The following MROH9 variants were observed in gnomAD, a reference collection of about 807,000 sequenced individuals.
The protein encoded by MROH9 is maestro heat-like repeat-containing protein family member 9.
Under a neutral mutation model 98.2 loss-of-function variants are expected in MROH9, and 92 were observed. The ratio of observed to expected loss-of-function variants is 0.94; its 90% CI spans 0.79 to 1.11. MROH9 has a LOEUF of 1.11. Ranked by LOEUF, MROH9 falls within the 50% of genes most tolerant of loss-of-function variation. The pLI, the probability that MROH9 is intolerant of heterozygous loss-of-function variation, is 0.00. For missense variants in MROH9, 1,057 were observed against 1,014.8 expected (o/e 1.04, Z -0.57); for synonymous variants, 397 against 368.9 (o/e 1.08, Z -0.87).
At position 170,960,918 on chromosome 1, in the gene MROH9, T is replaced by G. The variant is rs1289234777; in HGVS notation, c.289-972T>G. Among the ~76,000 whole-genome samples the G allele has an allele frequency of 8.5e-5, 13 of 152,318 alleles. No individual in the cohort carries two copies. The East Asian group carries it at 9.7e-4, about 11-fold the overall frequency. On this transcript the variant is annotated intron_variant, in intron 5 of 21. Transcript: ENST00000367759. ...TGCTGGGATTATAGGTGTGTGGCAC[T>G]GTGCCTGGCCTGAATTATATTTAAA...
At chr1:171,024,303 G>T (rs28459501) in intron 17 of MROH9, 92 bp from the exon 18 acceptor site, 76,272 of 669,704 alleles carry the variant, frequency 0.11, 4,662 homozygotes, top group Middle Eastern at 0.19. Context: ...ATTTATATGG[G>T]GTGTGTGTGT....
intron 15 of MROH9, among the ~76,000 whole-genome samples, chr1:170,999,532 A>G (rs1052104911): frequency 6.6e-6 from 1 of 151,962 alleles, no homozygotes; most frequent in African/African-American, 2.4e-5. Flanking sequence ...CCATCTATAT[A>G]TATATATATA....
chr1:170,973,647 G>A (rs1211066211), intron 8 of MROH9, among the ~76,000 whole-genome samples: 6 of 152,266 alleles, frequency 3.9e-5, no homozygotes, highest in South Asian at 2.1e-4. Context: ...AGGCCGAGGC[G>A]GGCAGATCAC....
At chr1:170,947,644 AT>A in intron 3 of MROH9, 71 bp downstream of exon 3, 1 of 1,307,648 alleles carries the variant, frequency 7.6e-7, no homozygotes, top group Non-Finnish European at 1.1e-6. Context: ...TACTGTTTCC[AT>A]TACAAGGATG....
chr1:171,045,908 T>C lies in MROH9; in HGVS notation c.2282-16224T>C, dbSNP rs1653457739. 2.0e-5 allele frequency among the ~76,000 whole-genome samples: 3 copies of C among 152,168 alleles called. No individual in the cohort carries two copies. In the South Asian group the frequency reaches 6.2e-4, roughly 31 times the overall value. ...AGTGGGGTGTTGAAGTCTCCAGTTA[T>C]TATTATATTGAAGCCCATCTCTCTC... On this transcript the variant is annotated intron_variant, in intron 20 of 21. Coordinates refer to ENST00000367759, the MANE Select transcript of MROH9 (RefSeq NM_001163629.2).
At chr1:170,953,861 AAGAGAG>A (rs142129185) in intron 3 of MROH9, among the ~76,000 whole-genome samples, 2 of 135,440 alleles carry the variant, frequency 1.5e-5, no homozygotes, top group South Asian at 2.7e-4. Context: ...AAGAGAAAGA[AAGAGAG>A]AGAGAGAGAG....
In MROH9 at chr1:170,971,769, T is replaced by G; in HGVS notation, c.502T>G (p.Leu168Val). Reference sequence around the variant, plus strand: ...TTAGATAAGTGTTGATGCTCCATGTTTGGGTCTCCTGGCAGCAGAGCTGTC... The same window carrying G: ...TTAGATAAGTGTTGATGCTCCATGTGTGGGTCTCCTGGCAGCAGAGCTGTC... ...RKYISVDAPC[L>V]GLLAAELSLL... Residue 168 changes from leucine to valine, a missense_variant, in exon 8 of 22, where the codon TTG (leucine) becomes GTG (valine). By Grantham distance (32) the Leu-to-Val change is conservative (BLOSUM62 1). Coordinates refer to ENST00000367759, the MANE Select transcript of MROH9 (RefSeq NM_001163629.2). The G allele has an allele frequency of 6.2e-7, 1 of 1,614,102 alleles. No individual in the cohort carries two copies. The highest frequency in any genetic ancestry group is 8.5e-7 in the Non-Finnish European group (1 of 1,179,954).
In MROH9 at chr1:170,996,501, C is replaced by G. The variant is rs1557890585; in HGVS notation, c.1338-6C>G. On this transcript the variant is annotated splice_region_variant and splice_polypyrimidine_tract_variant and intron_variant, in intron 13 of 21. Transcript: ENST00000367759. ...GTGATGACTTTGCTCTCTTTTGGGG[C>G]TTTAGGTATGCCCAGGATGCCCTGA... 6.2e-7 allele frequency: 1 copy of G among 1,612,266 alleles called. No individual in the cohort carries two copies.
At chr1:171,015,321 T>A (rs1652290971) in intron 16 of MROH9, among the ~76,000 whole-genome samples, 1 of 152,116 alleles carries the variant, frequency 6.6e-6, no homozygotes, top group Non-Finnish European at 1.5e-5. Flanking sequence ...CTCTTCCCAA[T>A]GTTATCAAAA....
chr1:170,992,819 G>A (rs989175148), intron 12 of MROH9, among the ~76,000 whole-genome samples: 7 of 152,162 alleles, frequency 4.6e-5, no homozygotes, highest in African/African-American at 1.7e-4. Context: ...ATTGGGCAAG[G>A]GAGATGAAAG....
At chr1:171,022,966 T>TA (rs1316002826) in intron 17 of MROH9, among the ~76,000 whole-genome samples, 2 of 152,114 alleles carry the variant, frequency 1.3e-5, no homozygotes, top group East Asian at 1.9e-4. Context: ...AGCGCTCATA[T>TA]AAAAAAAATC....
rs1195568495 is a variant in MROH9 at position 171,024,738 on chromosome 1, G to A, written c.2151G>A (p.Met717Ile). Residue 717 changes from methionine to isoleucine, a missense_variant, in exon 19 of 22, where the codon ATG (methionine) becomes ATA (isoleucine). Coordinates refer to ENST00000367759, the MANE Select transcript of MROH9 (RefSeq NM_001163629.2). Reference protein sequence around the residue: ...LLKDENYSFEMVVLNICNNLI... With the variant: ...LLKDENYSFEIVVLNICNNLI... ...AAGATGAAAATTACAGTTTTGAGAT[G>A]GTGGTGCTCAATATCTGTAACAATC... is the stretch of plus-strand genomic sequence containing the variant. 1.9e-6 allele frequency: 3 copies of A among 1,549,242 alleles called. 1 individual carries two copies. In the Admixed American group the frequency reaches 5.9e-5, roughly 30 times the overall value.
rs541261261 is a variant in MROH9, at chr1:170,958,636, C to T, written c.152+96C>T. The T allele has an allele frequency of 2.4e-3, 1,975 of 829,280 alleles. 2 individuals carry two copies. Among genetic ancestry groups the T allele is most frequent in the Non-Finnish European group, 3.1e-3 (1,634 of 525,810 alleles). The allele number at this position is 829,280 out of a possible 1,614,324, so 51.4% of individuals were successfully genotyped here. ...TGCAATTGTGAAAGATAAGAAATTA[C>T]TCCAAACTTCACCATCATAATTTGG... On this transcript the variant is annotated intron_variant, in intron 4 of 21. Coordinates refer to ENST00000367759, the MANE Select transcript of MROH9 (RefSeq NM_001163629.2).
At chr1:171,046,067 T>C (rs1223884270) in intron 20 of MROH9, among the ~76,000 whole-genome samples, 1 of 152,196 alleles carries the variant, frequency 6.6e-6, no homozygotes, top group Non-Finnish European at 1.5e-5. Context: ...TCCTTCCTTA[T>C]AGTTTTTGTC....
At chr1:170,998,682 A>G in intron 15 of MROH9, 1 of 1,092,614 alleles carries the variant, frequency 9.2e-7, no homozygotes, top group Non-Finnish European at 1.1e-6. Context: ...TAACTGGGTA[A>G]AATGAAGATG....
intron 8 of MROH9, among the ~76,000 whole-genome samples, chr1:170,977,360 C>T (rs1650744106): frequency 2.0e-5 from 3 of 152,176 alleles, no homozygotes; most frequent in South Asian, 4.1e-4. Flanking sequence ...TGAGGGTATC[C>T]CTTTAACTGC....
At chr1:171,004,561 T>A (rs1410888321) in intron 15 of MROH9, among the ~76,000 whole-genome samples, 1 of 152,212 alleles carries the variant, frequency 6.6e-6, no homozygotes, top group Non-Finnish European at 1.5e-5. Context: ...AAGGAGGGTC[T>A]CCCTTTCTCA....
chr1:171,021,688 C>T (rs1336027892), intron 17 of MROH9, among the ~76,000 whole-genome samples: 2 of 151,980 alleles, frequency 1.3e-5, no homozygotes, highest in African/African-American at 2.4e-5. Flanking sequence ...AGGACATAGG[C>T]GTGGGCAAAG....
chr1:170,956,195 A>G (rs1053247019), intron 3 of MROH9, among the ~76,000 whole-genome samples: 1 of 152,138 alleles, frequency 6.6e-6, no homozygotes, highest in Non-Finnish European at 1.5e-5. Context: ...TTATACCAGT[A>G]CCATGCTGTT....
Sources: gnomAD v4.1 joint callset for allele counts (sites outside exome capture counted in the v4.1 genomes callset) on GRCh38, gnomAD v4.1.1 for gene constraint, MANE v1.5 for transcripts, NCBI Gene and HGNC (gene_info 2026-07-23, HGNC 2026-07-21) for gene names.